CYP19A1: variants seen among roughly 807,000 people sequenced by gnomAD.
CYP19A1 encodes aromatase.
A neutral mutation model predicts 44.4 loss-of-function variants in CYP19A1; 32 were observed. The observed-to-expected ratio is 0.72, with a 90% CI of 0.54 to 0.97. CYP19A1 has a LOEUF of 0.97. CYP19A1 is among the 50% of genes least tolerant of loss of function. The pLI is 0.00. For synonymous variants in CYP19A1, 212 were observed against 215.6 expected (o/e 0.98, Z 0.14); for missense variants, 598 against 637.8 (o/e 0.94, Z 0.67).
At chr15:51,283,460 G>A (rs536087374) in intron 1 of CYP19A1, among the ~76,000 whole-genome samples, 38 of 152,318 alleles carry the variant, frequency 2.5e-4, no homozygotes, top group African/African-American at 8.4e-4. Flanking sequence ...CCAGCAAGGA[G>A]GGAAGGAATT....
At chr15:51,297,868 A>ACACACACACACACACACACACC (rs1173662173) in intron 1 of CYP19A1, among the ~76,000 whole-genome samples, 1 of 146,676 alleles carries the variant, frequency 6.8e-6, no homozygotes. Flanking sequence ...ACACACACAC[A>ACACACACACACACACACACACC]CCCTAGGCCT....
At chr15:51,313,987 G>A (rs1833181831) in intron 1 of CYP19A1, 1 of 152,004 alleles carries the variant, frequency 6.6e-6, no homozygotes, top group African/African-American at 2.4e-5. Flanking sequence ...AGGCTTTGCT[G>A]TCAGACAGAC....
intron 1 of CYP19A1, among the ~76,000 whole-genome samples, chr15:51,244,483 A>G (rs535182852): frequency 1.2e-4 from 19 of 152,172 alleles, no homozygotes; most frequent in African/African-American, 4.1e-4. Context: ...TTTAATATAT[A>G]TAAGTCGAAA....
intron 5 of CYP19A1, among the ~76,000 whole-genome samples, chr15:51,220,003 G>A (rs1037632472): frequency 3.3e-5 from 5 of 152,204 alleles, no homozygotes; most frequent in Admixed American, 3.3e-4. Context: ...GTATGGAGTA[G>A]CTGGAGTAGG....
intron 1 of CYP19A1, among the ~76,000 whole-genome samples, chr15:51,297,710 C>G (rs1037436230): frequency 1.3e-5 from 2 of 151,922 alleles, no homozygotes; most frequent in African/African-American, 4.8e-5. Flanking sequence ...GTAAACTCTA[C>G]CTGGTGTGGG....
rs28757129 is a variant in CYP19A1 at position 51,277,604 on chromosome 15, AAAAT to A, written c.-38-34658_-38-34655del. On this transcript the variant is annotated intron_variant, in intron 1 of 9. Transcript: ENST00000396402. The stretch of plus-strand genomic sequence containing the variant: ...ACTCTTTAAATATTTAAGCAGTATG[AAAAT>A]AAATTAGAAAATAAATACGCGTATT... 5.5e-3 allele frequency among the ~76,000 whole-genome samples: 832 copies of A among 152,346 alleles called. 12 individuals are homozygous for A. The highest frequency in any genetic ancestry group is 0.019 in the African/African-American group (803 of 41,574).
chr15:51,258,882 A>G (rs566349003), intron 1 of CYP19A1, among the ~76,000 whole-genome samples: 17 of 152,356 alleles, frequency 1.1e-4, no homozygotes, highest in Middle Eastern at 3.4e-3. Context: ...GGAGCCAGCA[A>G]TACCCAAGGA....
chr15:51,314,335 G>T (rs1487459384), intron 1 of CYP19A1, among the ~76,000 whole-genome samples: 1 of 152,092 alleles, frequency 6.6e-6, no homozygotes, highest in African/African-American at 2.4e-5. Flanking sequence ...TTTTGGGAAA[G>T]AGGGACTTTT....
intron 1 of CYP19A1, among the ~76,000 whole-genome samples, chr15:51,328,880 G>A (rs2036655845): frequency 6.6e-6 from 1 of 152,158 alleles, no homozygotes; most frequent in Admixed American, 6.5e-5. Flanking sequence ...ACAAGTAAGA[G>A]AATTGCTGCT....
chr15:51,327,350 A>G (rs2036623421), intron 1 of CYP19A1, among the ~76,000 whole-genome samples: 2 of 152,214 alleles, frequency 1.3e-5, no homozygotes, highest in South Asian at 4.1e-4. Flanking sequence ...GCTGGCTGGT[A>G]GAAAACACAA....
chr15:51,247,573 A>G (rs1007699096), intron 1 of CYP19A1, among the ~76,000 whole-genome samples: 1 of 152,112 alleles, frequency 6.6e-6, no homozygotes, highest in South Asian at 2.1e-4. Flanking sequence ...CCCAGGTTCC[A>G]GCGATTCTCT....
chr15:51,282,900 A>AGGT (rs147834386), intron 1 of CYP19A1, among the ~76,000 whole-genome samples: 2,578 of 152,294 alleles, frequency 0.017, 67 homozygotes, highest in African/African-American at 0.06. Flanking sequence ...TATTATGAAG[A>AGGT]GTGGGGGTGA....
At chr15:51,283,005 G>C (rs1462317489) in intron 1 of CYP19A1, among the ~76,000 whole-genome samples, 1 of 152,136 alleles carries the variant, frequency 6.6e-6, no homozygotes, top group African/African-American at 2.4e-5. Context: ...TGGATGAATG[G>C]GAGATAATTG....
At chr15:51,236,310 G>A (rs1486677659) in intron 3 of CYP19A1, among the ~76,000 whole-genome samples, 1 of 152,196 alleles carries the variant, frequency 6.6e-6, no homozygotes, top group Non-Finnish European at 1.5e-5. Context: ...TTTTAGAGGT[G>A]CTCAGTTGCT....
At chr15:51,281,665 G>A (rs557866325) in intron 1 of CYP19A1, among the ~76,000 whole-genome samples, 1 of 152,286 alleles carries the variant, frequency 6.6e-6, no homozygotes, top group South Asian at 2.1e-4. Context: ...TGCTTGGCTG[G>A]CCAGAGGTAA....
intron 4 of CYP19A1, among the ~76,000 whole-genome samples, chr15:51,223,593 T>TCTCACACACACACACACC (rs1356666512): frequency 1.1e-5 from 1 of 90,146 alleles, no homozygotes; most frequent in African/African-American, 4.2e-5. Context: ...TCTCTCTCTC[T>TCTCACACACACACACACC]CACACACACA....
chr15:51,284,040 A>G (rs892682345), intron 1 of CYP19A1, among the ~76,000 whole-genome samples: 6 of 152,324 alleles, frequency 3.9e-5, no homozygotes, highest in African/African-American at 1.2e-4. Context: ...CTGTGCATAC[A>G]GGAATAATTG....
intron 1 of CYP19A1, among the ~76,000 whole-genome samples, chr15:51,284,078 T>C (rs1025547353): frequency 2.0e-5 from 3 of 152,230 alleles, no homozygotes; most frequent in Non-Finnish European, 4.4e-5. Context: ...GAAATTCAAT[T>C]AGTTATTAGT....
Position 51,212,436 on chromosome 15 carries a change from T to C in CYP19A1, c.1147A>G (p.Ile383Val), listed in dbSNP as rs769381652. The change falls in exon 9 of 10, where the codon ATC (isoleucine) becomes GTC (valine). Residue 383 changes from isoleucine to valine, a missense_variant. Ile to Val is a conservative substitution (Grantham distance 29). Transcript: ENST00000396402. The part of the protein sequence containing the change: ...VMRKALEDDV[I>V]DGYPVKKGTN... ...CCCTTTTTCACTGGGTAGCCATCGA[T>C]TACATCATCTTCTAAGGCTTTGCGC... The C allele has an allele frequency of 3.7e-6, 6 of 1,609,592 alleles. No individual in the cohort carries two copies. Among genetic ancestry groups the C allele is most frequent in the African/African-American group, 1.3e-5 (1 of 74,854 alleles).
Sources: gnomAD v4.1 joint callset for allele counts (sites outside exome capture counted in the v4.1 genomes callset) on GRCh38, gnomAD v4.1.1 for gene constraint, MANE v1.5 for transcripts, NCBI Gene and HGNC (gene_info 2026-07-23, HGNC 2026-07-21) for gene names.